The following CCNH variants were observed in gnomAD, a reference collection of about 807,000 sequenced individuals.
CCNH encodes cyclin H.
A neutral mutation model predicts 41.9 loss-of-function variants in CCNH; 31 were observed. The ratio of observed to expected loss-of-function variants is 0.74; its 90% CI spans 0.56 to 1.00. CCNH has a LOEUF of 1.00. CCNH is among the 50% of genes least tolerant of loss of function. The pLI is 0.00. For missense variants in CCNH, 362 were observed against 388.4 expected (o/e 0.93, Z 0.57); for synonymous variants, 138 against 136.1 (o/e 1.01, Z -0.10).
chr5:87,376,723 A>G (rs905199784), exon 1 of CCNH: 9 of 1,222,680 alleles, frequency 7.4e-6, no homozygotes, highest in African/African-American at 4.6e-5. Context: ...TTTGGTAGAA[A>G]TAAGTAGACT....
At chr5:87,324,916 C>T (rs888942893) in intron 9 of CCNH, among the ~76,000 whole-genome samples, 2 of 151,946 alleles carry the variant, frequency 1.3e-5, no homozygotes, top group African/African-American at 4.8e-5. Flanking sequence ...TCTTTACTTT[C>T]CTCTTCACTT....
chr5:87,383,965 T>G (rs1761902536), intron 9 of CCNH, among the ~76,000 whole-genome samples: 1 of 152,062 alleles, frequency 6.6e-6, no homozygotes, highest in Non-Finnish European at 1.5e-5. Flanking sequence ...TTCTTTTTGT[T>G]TCTTTTCTTC....
chr5:87,394,211 G>A, downstream of CCNH: 1 of 1,160,408 alleles, frequency 8.6e-7, no homozygotes, highest in Non-Finnish European at 1.1e-6. Flanking sequence ...CAAATGAGTT[G>A]CAGCTTTAAT....
downstream of CCNH, chr5:87,389,410 G>T (rs761753589): frequency 8.1e-6 from 13 of 1,614,006 alleles, no homozygotes; most frequent in Non-Finnish European, 1.0e-5. Flanking sequence ...CTGAACTTCC[G>T]GACACTACAG....
chr5:87,407,060 C>T (rs990006986), intron 4 of CCNH, among the ~76,000 whole-genome samples: 1 of 152,158 alleles, frequency 6.6e-6, no homozygotes, highest in African/African-American at 2.4e-5. Context: ...CATTGCTAGG[C>T]TCTGTTCAGG....
chr5:87,373,230 A>G (rs2112482444), downstream of CCNH, among the ~76,000 whole-genome samples: 1 of 151,676 alleles, frequency 6.6e-6, no homozygotes, highest in South Asian at 2.1e-4. Context: ...GCATCAGTGG[A>G]CTCTACCAAC....
intron 8 of CCNH, 30 bp from the exon 9 acceptor site, chr5:87,394,514 A>T (rs761109484): frequency 1.2e-6 from 2 of 1,612,844 alleles, no homozygotes; most frequent in Middle Eastern, 3.3e-4. Flanking sequence ...TGGTAAGGAT[A>T]ACACTGAAGC....
upstream of CCNH, among the ~76,000 whole-genome samples, chr5:87,381,685 T>C (rs1464379544): frequency 1.3e-5 from 2 of 152,270 alleles, no homozygotes; most frequent in East Asian, 1.9e-4. Flanking sequence ...TTGGGAGGAA[T>C]AGAAAAGAAT....
chr5:87,411,109 T>G, intron 2 of CCNH, 115 bp downstream of exon 2: 1 of 1,060,880 alleles, frequency 9.4e-7, no homozygotes, highest in Non-Finnish European at 1.3e-6. Context: ...TGCCAAAAAC[T>G]AATTAATTGT....
chr5:87,374,101 G>T, downstream of CCNH: 1 of 1,238,674 alleles, frequency 8.1e-7, no homozygotes, highest in Non-Finnish European at 1.0e-6. Flanking sequence ...AATTGCTTTT[G>T]AAATGTAGTG....
chr5:87,371,568 C>T (rs534831963), downstream of CCNH, among the ~76,000 whole-genome samples: 3 of 152,038 alleles, frequency 2.0e-5, no homozygotes, highest in Non-Finnish European at 4.4e-5. Context: ...TTTTTAAAAT[C>T]TAATGTTATA....
intron 9 of CCNH, among the ~76,000 whole-genome samples, chr5:87,368,795 G>C (rs1012829359): frequency 2.0e-5 from 3 of 152,184 alleles, no homozygotes; most frequent in African/African-American, 2.4e-5. Flanking sequence ...GAACGGAAAA[G>C]ATGTGGAGAA....
chr5:87,339,879 C>T (rs1430958435), intron 9 of CCNH, among the ~76,000 whole-genome samples: 2 of 152,040 alleles, frequency 1.3e-5, no homozygotes, highest in African/African-American at 4.8e-5. Flanking sequence ...GATTGAAAAA[C>T]CATTTGGACA....
intron 9 of CCNH, among the ~76,000 whole-genome samples, chr5:87,384,976 A>G (rs1025482856): frequency 6.6e-6 from 1 of 151,830 alleles, no homozygotes; most frequent in African/African-American, 2.4e-5. Context: ...GAGGAGTGAC[A>G]ATCTTTTTTA....
intron 1 of CCNH, 89 bp from the exon 2 acceptor site, chr5:87,411,435 T>TG: frequency 7.6e-7 from 1 of 1,316,608 alleles, no homozygotes. Flanking sequence ...TTAAATTTAG[T>TG]TTATATATCC....
rs1491365794 is a variant in CCNH, at chr5:87,338,533, A to ATATATATATATATAT, written c.*91-19637_*91-19636insATATATATATATATA. 3.6e-3 allele frequency among the ~76,000 whole-genome samples: 327 copies of ATATATATATATATAT among 91,110 alleles called. 5 individuals are homozygous for ATATATATATATATAT. Among genetic ancestry groups the ATATATATATATATAT allele is most frequent in the East Asian group, 5.6e-3 (13 of 2,316 alleles). 59.8% of individuals were successfully genotyped at this position (91,110 alleles called of 152,430 possible). On this transcript the variant is annotated intron_variant and NMD_transcript_variant, in intron 9 of 9. Coordinates refer to the CCNH transcript ENST00000645953. ...TATATATATATATATATATATATAT[A>ATATATATATATATAT]AAATTTTTTTTTTTTTTAAGTAGAA...
chr5:87,356,545 G>A (rs1396445311), intron 9 of CCNH, among the ~76,000 whole-genome samples: 2 of 151,954 alleles, frequency 1.3e-5, no homozygotes, highest in East Asian at 3.9e-4. Context: ...GTACACCACC[G>A]TGCCTAGCTA....
intron 9 of CCNH, chr5:87,332,500 C>G: frequency 1.2e-6 from 2 of 1,603,902 alleles, no homozygotes; most frequent in South Asian, 1.1e-5. Context: ...TTTTCCTGTT[C>G]AAATAGGATT....
intron 9 of CCNH, among the ~76,000 whole-genome samples, chr5:87,338,516 TATATATATATATATATAAAA>T (rs1758154122): frequency 5.0e-5 from 5 of 99,318 alleles, no homozygotes; most frequent in South Asian, 3.6e-4. Flanking sequence ...TATATATATA[TATATATATATATATATAAAA>T]TTTTTTTTTT....
Sources: gnomAD v4.1 joint callset for allele counts (sites outside exome capture counted in the v4.1 genomes callset) on GRCh38, gnomAD v4.1.1 for gene constraint, MANE v1.5 for transcripts, NCBI Gene and HGNC (gene_info 2026-07-23, HGNC 2026-07-21) for gene names.